The following PDE7B variants were observed in gnomAD, a reference collection of about 807,000 sequenced individuals.
The protein encoded by PDE7B is 3',5'-cyclic-AMP phosphodiesterase 7B.
A neutral mutation model predicts 56.2 loss-of-function variants in PDE7B; 29 were observed. The ratio of observed to expected loss-of-function variants is 0.52; its 90% CI spans 0.38 to 0.70. The LOEUF (loss-of-function observed/expected upper bound fraction) is 0.70. Among genes scored for constraint, PDE7B ranks in the 30% least tolerant of loss-of-function variants. PDE7B has a pLI of 0.00. For missense variants in PDE7B, 490 were observed against 565.0 expected (o/e 0.87, Z 1.35); for synonymous variants, 197 against 196.9 (o/e 1.00, Z 0.00).
At chr6:136,038,726 G>A (rs1776368741) in intron 2 of PDE7B, among the ~76,000 whole-genome samples, 1 of 152,140 alleles carries the variant, frequency 6.6e-6, no homozygotes, top group Admixed American at 6.5e-5. Context: ...CATTTGACTG[G>A]AAATCAAGAA....
At chr6:136,114,871 C>T (rs1777806450) in intron 3 of PDE7B, 1 of 152,244 alleles carries the variant, frequency 6.6e-6, no homozygotes, top group Admixed American at 6.5e-5. Flanking sequence ...TGCTTTCTGG[C>T]TCAGCTGGAT....
intron 3 of PDE7B, chr6:136,117,020 T>A (rs1243002404): frequency 6.6e-6 from 1 of 152,208 alleles, no homozygotes; most frequent in African/African-American, 2.4e-5. Context: ...ATGGATTCTA[T>A]TGAGTACAAA....
intron 8 of PDE7B, among the ~76,000 whole-genome samples, chr6:136,164,799 C>T (rs910433862): frequency 5.3e-5 from 8 of 151,914 alleles, no homozygotes; most frequent in African/African-American, 1.9e-4. Flanking sequence ...AAAATACAAA[C>T]TCTAGAGGGA....
intron 6 of PDE7B, among the ~76,000 whole-genome samples, chr6:136,153,305 G>A (rs568096412): frequency 3.3e-5 from 5 of 152,338 alleles, no homozygotes; most frequent in Non-Finnish European, 5.9e-5. Context: ...ATAGCAATGG[G>A]CTGAGAGAAT....
At chr6:135,901,746 T>C (rs984386587) in intron 1 of PDE7B, among the ~76,000 whole-genome samples, 4 of 152,310 alleles carry the variant, frequency 2.6e-5, no homozygotes, top group Non-Finnish European at 4.4e-5. Context: ...TTTACTGTAC[T>C]TACAGCAATT....
At chr6:136,105,109 G>A (rs1777626624) in intron 2 of PDE7B, among the ~76,000 whole-genome samples, 2 of 152,170 alleles carry the variant, frequency 1.3e-5, no homozygotes, top group African/African-American at 4.8e-5. Flanking sequence ...TTACTTAAAA[G>A]TAATAGATTC....
chr6:135,969,439 A>G (rs111249234), intron 2 of PDE7B, among the ~76,000 whole-genome samples: 40 of 152,320 alleles, frequency 2.6e-4, no homozygotes, highest in African/African-American at 8.4e-4. Context: ...GCTTGTTAGC[A>G]TGAAATCATA....
intron 1 of PDE7B, among the ~76,000 whole-genome samples, chr6:135,883,668 G>A (rs914427769): frequency 6.6e-6 from 1 of 152,192 alleles, no homozygotes; most frequent in Non-Finnish European, 1.5e-5. Context: ...GAACTAGGCT[G>A]TGTCCTCTGT....
chr6:135,912,511 C>T (rs1776230170), intron 1 of PDE7B, among the ~76,000 whole-genome samples: 1 of 152,034 alleles, frequency 6.6e-6, no homozygotes, highest in South Asian at 2.1e-4. Context: ...GGTTCTGGAA[C>T]AAATCCTCCA....
intron 2 of PDE7B, among the ~76,000 whole-genome samples, chr6:135,973,575 T>C (rs943745042): frequency 3.3e-5 from 5 of 152,216 alleles, no homozygotes; most frequent in Non-Finnish European, 7.3e-5. Context: ...ACCTCACCAT[T>C]GTGCCTTCCC....
intron 6 of PDE7B, among the ~76,000 whole-genome samples, chr6:136,153,749 T>G (rs2128447557): frequency 6.6e-6 from 1 of 152,318 alleles, no homozygotes; most frequent in African/African-American, 2.4e-5. Flanking sequence ...GAGATAAAGT[T>G]GTGCTTTTCC....
rs939471975 is a variant in PDE7B at position 135,998,760 on chromosome 6, TA to T, written c.82+51245del. 7.3e-4 allele frequency among the ~76,000 whole-genome samples: 93 copies of T among 126,586 alleles called. 1 individual carries two copies. Among genetic ancestry groups the T allele is most frequent in the African/African-American group, 2.6e-3 (88 of 33,926 alleles). The allele number at this position is 126,586 out of a possible 152,430, so 83.0% of individuals were successfully genotyped here. The stretch of plus-strand genomic sequence containing the variant: ...GACAGAGCAAGACTCCATCTCAAAA[TA>T]AAAAAAAATAAAAAATAAACAAAAA... On this transcript the variant is annotated intron_variant, in intron 2 of 12. Transcript: ENST00000308191.
At chr6:136,181,081 G>C in intron 10 of PDE7B, 146 bp from the exon 11 acceptor site, 1 of 645,582 alleles carries the variant, frequency 1.5e-6, no homozygotes, top group Admixed American at 2.5e-5. Context: ...GCAGTTTCCT[G>C]AAGAGGCATG....
intron 1 of PDE7B, among the ~76,000 whole-genome samples, chr6:135,894,718 G>A (rs948605163): frequency 5.3e-5 from 8 of 152,072 alleles, no homozygotes; most frequent in Non-Finnish European, 8.8e-5. Flanking sequence ...ACCCAGCTAC[G>A]TTGAAATGTA....
intron 6 of PDE7B, among the ~76,000 whole-genome samples, chr6:136,152,140 C>A (rs764954906): frequency 2.4e-4 from 37 of 151,994 alleles, no homozygotes; most frequent in Admixed American, 7.9e-4. Flanking sequence ...AGTGGACTCA[C>A]GTGGTTTAAA....
At chr6:136,126,129 C>G (rs1302076161) in intron 3 of PDE7B, among the ~76,000 whole-genome samples, 1 of 152,130 alleles carries the variant, frequency 6.6e-6, no homozygotes, top group African/African-American at 2.4e-5. Context: ...ATGCAGAATC[C>G]CTGTGAATGT....
chr6:136,138,757 G>C (rs1778259799), intron 3 of PDE7B, among the ~76,000 whole-genome samples: 2 of 152,082 alleles, frequency 1.3e-5, no homozygotes, highest in African/African-American at 4.8e-5. Context: ...AGTTAACACT[G>C]CAACTTGTCA....
At chr6:136,046,771 G>T (rs976260544) in intron 2 of PDE7B, among the ~76,000 whole-genome samples, 1 of 152,000 alleles carries the variant, frequency 6.6e-6, no homozygotes. Context: ...TATATTAAAG[G>T]GATCTAATAA....
At chr6:136,089,765 A>G (rs926796863) in intron 2 of PDE7B, among the ~76,000 whole-genome samples, 1 of 152,238 alleles carries the variant, frequency 6.6e-6, no homozygotes, top group Non-Finnish European at 1.5e-5. Flanking sequence ...GAAAATTTCA[A>G]ATTTATGCCA....
Sources: allele counts gnomAD v4.1 joint callset (sites outside exome capture counted in the v4.1 genomes callset), GRCh38; gene constraint gnomAD v4.1.1; transcripts MANE v1.5; gene names NCBI Gene and HGNC (gene_info 2026-07-23, HGNC 2026-07-21).